HTR7: variants seen among roughly 807,000 people sequenced by gnomAD.
The protein encoded by HTR7 is 5-hydroxytryptamine receptor 7, also known as 5-HT-7.
In HTR7, 16 loss-of-function variants were observed where a neutral mutation model predicts 34.0. That is an observed-to-expected ratio of 0.47 (90% CI 0.32 to 0.71). HTR7 has a LOEUF of 0.71. Among genes scored for constraint, HTR7 ranks in the 30% least tolerant of loss-of-function variants. The pLI, the probability that HTR7 is intolerant of heterozygous loss-of-function variation, is 0.04. For missense variants in HTR7, 504 were observed against 625.5 expected (o/e 0.81, Z 2.07); for synonymous variants, 265 against 260.2 (o/e 1.02, Z -0.18).
chr10:90,759,528 G>A (rs1278501226), intron 1 of HTR7, among the ~76,000 whole-genome samples: 5 of 150,872 alleles, frequency 3.3e-5, no homozygotes, highest in African/African-American at 4.9e-5. Context: ...GGTGGCGGGC[G>A]CCTGTAGTCC....
chr10:90,757,682 CA>C (rs1334050439), intron 1 of HTR7, among the ~76,000 whole-genome samples: 4 of 151,990 alleles, frequency 2.6e-5, no homozygotes, highest in Admixed American at 2.6e-4. Flanking sequence ...TATGTGAGAA[CA>C]AACATTAGGG....
intron 1 of HTR7, among the ~76,000 whole-genome samples, chr10:90,806,085 C>T (rs373413896): frequency 2.1e-4 from 32 of 151,760 alleles, no homozygotes; most frequent in African/African-American, 2.9e-4. Context: ...AACTAAGATG[C>T]GTTTTGGTAA....
chr10:90,793,203 C>T (rs1406585757), intron 1 of HTR7, among the ~76,000 whole-genome samples: 8 of 151,880 alleles, frequency 5.3e-5, no homozygotes, highest in African/African-American at 1.9e-4. Context: ...TTCTACAACT[C>T]AACAAGAAAA....
chr10:90,805,557 T>C (rs1845692047), intron 1 of HTR7, among the ~76,000 whole-genome samples: 1 of 152,238 alleles, frequency 6.6e-6, no homozygotes, highest in South Asian at 2.1e-4. Context: ...ATGCATTTTC[T>C]ACTTTCTCTC....
intron 1 of HTR7, among the ~76,000 whole-genome samples, chr10:90,818,403 G>A (rs1313570033): frequency 6.6e-6 from 1 of 152,058 alleles, no homozygotes; most frequent in African/African-American, 2.4e-5. Flanking sequence ...AAAATTAGCT[G>A]GGCATGATAG....
chr10:90,775,038 G>A (rs1845184421), intron 1 of HTR7, among the ~76,000 whole-genome samples: 1 of 152,234 alleles, frequency 6.6e-6, no homozygotes, highest in African/African-American at 2.4e-5. Flanking sequence ...GATGAGATAT[G>A]CCGTTGGGTA....
At chr10:90,829,583 T>C (rs1226807609) in intron 1 of HTR7, among the ~76,000 whole-genome samples, 1 of 152,116 alleles carries the variant, frequency 6.6e-6, no homozygotes, top group African/African-American at 2.4e-5. Flanking sequence ...TCCCCACTTT[T>C]TGCCACTGTT....
At chr10:90,753,658 T>G (rs765511971) in intron 1 of HTR7, among the ~76,000 whole-genome samples, 4 of 152,076 alleles carry the variant, frequency 2.6e-5, no homozygotes, top group East Asian at 1.9e-4. Context: ...ATGACTAATG[T>G]GCAGACATGT....
At chr10:90,788,266 C>T (rs545852774) in intron 1 of HTR7, among the ~76,000 whole-genome samples, 150 of 152,218 alleles carry the variant, frequency 9.9e-4, no homozygotes, top group Non-Finnish European at 1.9e-3. Context: ...TTACCAAAAA[C>T]GAAACACCTA....
intron 1 of HTR7, among the ~76,000 whole-genome samples, chr10:90,829,590 T>C (rs1846133132): frequency 1.3e-5 from 2 of 152,036 alleles, no homozygotes; most frequent in South Asian, 4.1e-4. Flanking sequence ...TTTTTGCCAC[T>C]GTTATTCAAC....
At chr10:90,854,482 G>C (rs1478074104) in intron 1 of HTR7, among the ~76,000 whole-genome samples, 4 of 152,190 alleles carry the variant, frequency 2.6e-5, no homozygotes, top group Non-Finnish European at 4.4e-5. Flanking sequence ...AAGTAGTTTG[G>C]TATTTGCTGG....
In HTR7 at chr10:90,858,032, C is replaced by A. The variant is rs1255729105; in HGVS notation, c.-361G>T. Among the ~76,000 whole-genome samples, 1 of 147,842 alleles carries A rather than the reference C, an allele frequency of 6.8e-6. No individual in the cohort carries two copies. The highest frequency in any genetic ancestry group is 2.5e-5 in the African/African-American group (1 of 40,712). On this transcript the variant is annotated 5_prime_UTR_variant, in exon 1 of 4. Transcript: ENST00000336152. ...GCCCGGGCGGCAGCGGCAGAAGTTG[C>A]GGAGTGCGCCCCGCCCCTCGCGCCC...
chr10:90,850,706 T>C (rs1396424257), intron 1 of HTR7, among the ~76,000 whole-genome samples: 2 of 152,196 alleles, frequency 1.3e-5, no homozygotes, highest in East Asian at 1.9e-4. Context: ...AAAGCTTAAA[T>C]GGAATTTCTA....
chr10:90,753,391 G>A (rs889941611), intron 1 of HTR7, among the ~76,000 whole-genome samples: 1 of 151,216 alleles, frequency 6.6e-6, no homozygotes, highest in Non-Finnish European at 1.5e-5. Flanking sequence ...GAGAGAGAGA[G>A]AGAAAGAAAC....
chr10:90,763,148 A>G (rs1844966546), intron 1 of HTR7, among the ~76,000 whole-genome samples: 1 of 151,882 alleles, frequency 6.6e-6, no homozygotes, highest in African/African-American at 2.4e-5. Flanking sequence ...GAATTTTAGG[A>G]TTGTTTTCTG....
chr10:90,793,062 G>C (rs562882161), intron 1 of HTR7, among the ~76,000 whole-genome samples: 1 of 152,222 alleles, frequency 6.6e-6, no homozygotes, highest in Non-Finnish European at 1.5e-5. Context: ...TGAAGAAACA[G>C]AACTTTAAAA....
At chr10:90,821,159 C>G (rs942587603) in intron 1 of HTR7, among the ~76,000 whole-genome samples, 1 of 149,308 alleles carries the variant, frequency 6.7e-6, no homozygotes, top group Non-Finnish European at 1.5e-5. Flanking sequence ...CACACAAGCA[C>G]CTTCATAAGA....
chr10:90,780,587 G>A (rs926867537), intron 1 of HTR7, among the ~76,000 whole-genome samples: 2 of 151,554 alleles, frequency 1.3e-5, no homozygotes, highest in Admixed American at 1.3e-4. Context: ...GTGCCACATG[G>A]AAAGTGATTC....
At chr10:90,840,387 T>C (rs907668304) in intron 1 of HTR7, among the ~76,000 whole-genome samples, 7 of 152,172 alleles carry the variant, frequency 4.6e-5, no homozygotes, top group Non-Finnish European at 8.8e-5. Flanking sequence ...GTGCCTGGAA[T>C]GACACTGGAA....
Sources: gnomAD v4.1 joint callset for allele counts (sites outside exome capture counted in the v4.1 genomes callset) on GRCh38, gnomAD v4.1.1 for gene constraint, MANE v1.5 for transcripts, NCBI Gene and HGNC (gene_info 2026-07-23, HGNC 2026-07-21) for gene names.